The following NRG3 variants were observed in gnomAD, a reference collection of about 807,000 sequenced individuals.
NRG3 encodes the protein neuregulin 3.
NRG3 carries 31 observed loss-of-function variants against 66.9 expected under a neutral mutation model. That is an observed-to-expected ratio of 0.46 (90% confidence interval 0.35 to 0.63). NRG3 has a LOEUF of 0.63. Among genes scored for constraint, NRG3 ranks in the 20% least tolerant of loss-of-function variants. NRG3 has a pLI of 0.00. For missense variants in NRG3, 910 were observed against 878.9 expected, an observed-to-expected ratio of 1.04 and a Z score of -0.45; for synonymous variants, 393 against 359.4, an observed-to-expected ratio of 1.09 and a Z score of -1.06.
intron 1 of NRG3, among the ~76,000 whole-genome samples, chr10:82,149,907 G>A (rs923481229): frequency 6.6e-6 from 1 of 152,070 alleles, no homozygotes; most frequent in Non-Finnish European, 1.5e-5. Context: ...GACTAGAATA[G>A]AATAGAATAA....
At chr10:82,213,818 T>A (rs944083401) in intron 1 of NRG3, among the ~76,000 whole-genome samples, 40 of 152,216 alleles carry the variant, frequency 2.6e-4, no homozygotes, top group African/African-American at 9.2e-4. Flanking sequence ...AAATATGTTT[T>A]CAAAGCAAGT....
At chr10:82,193,468 A>G (rs1011001067) in intron 1 of NRG3, among the ~76,000 whole-genome samples, 5 of 151,428 alleles carry the variant, frequency 3.3e-5, no homozygotes, top group Admixed American at 1.3e-4. Flanking sequence ...TAAAAAGTCT[A>G]TTCTGACTGT....
intron 2 of NRG3, among the ~76,000 whole-genome samples, chr10:82,707,043 A>G (rs1020881288): frequency 6.8e-6 from 1 of 147,660 alleles, no homozygotes; most frequent in African/African-American, 2.5e-5. Context: ...ATATATGTAT[A>G]TATATTTGAT....
At chr10:82,697,776 G>T (rs1432144995) in intron 2 of NRG3, among the ~76,000 whole-genome samples, 1 of 152,118 alleles carries the variant, frequency 6.6e-6, no homozygotes, top group Admixed American at 6.6e-5. Flanking sequence ...TAGCTGGGTA[G>T]GGGCAGGGAA....
At chr10:82,135,172 C>T (rs890988363) in intron 1 of NRG3, among the ~76,000 whole-genome samples, 1 of 151,152 alleles carries the variant, frequency 6.6e-6, no homozygotes, top group Admixed American at 6.6e-5. Flanking sequence ...AATATCTTTC[C>T]TGGATTATAG....
chr10:82,272,134 T>C (rs723195), intron 1 of NRG3, among the ~76,000 whole-genome samples: 72,185 of 151,892 alleles, frequency 0.48, 20,764 homozygotes, highest in African/African-American at 0.81. Context: ...GAGATGACCA[T>C]GGTAGGGTTT....
intron 2 of NRG3, among the ~76,000 whole-genome samples, chr10:82,620,873 G>T (rs2048999268): frequency 6.6e-6 from 1 of 151,202 alleles, no homozygotes; most frequent in Admixed American, 6.6e-5. Context: ...TGAAATACTA[G>T]CTCTTTTCCT....
chr10:82,689,079 T>A (rs1385887674), intron 2 of NRG3, among the ~76,000 whole-genome samples: 1 of 152,176 alleles, frequency 6.6e-6, no homozygotes, highest in Non-Finnish European at 1.5e-5. Flanking sequence ...ATAAAGTGCT[T>A]TATTTTTCAA....
chr10:82,203,471 G>A (rs1416996437), intron 1 of NRG3, among the ~76,000 whole-genome samples: 1 of 152,082 alleles, frequency 6.6e-6, no homozygotes, highest in Non-Finnish European at 1.5e-5. Context: ...CACTATGGAA[G>A]GTCAGTTCAC....
chr10:82,822,678 G>A (rs1005172442), intron 3 of NRG3, among the ~76,000 whole-genome samples: 2 of 152,046 alleles, frequency 1.3e-5, no homozygotes, highest in Non-Finnish European at 2.9e-5. Context: ...GGCATGGTTT[G>A]TAGGCAGCAT....
chr10:82,435,833 G>C (rs111373305), intron 2 of NRG3, among the ~76,000 whole-genome samples: 241 of 143,372 alleles, frequency 1.7e-3, no homozygotes, highest in African/African-American at 5.9e-3. Context: ...CCAGACTGGA[G>C]TGCAGTGGCA....
chr10:82,072,255 A>G (rs755481494), intron 1 of NRG3, among the ~76,000 whole-genome samples: 17 of 152,234 alleles, frequency 1.1e-4, no homozygotes, highest in Non-Finnish European at 2.1e-4. Context: ...CATTAAAGGT[A>G]TTAAGAAGGA....
chr10:82,022,095 A>C (rs2062089112), intron 1 of NRG3, among the ~76,000 whole-genome samples: 1 of 151,986 alleles, frequency 6.6e-6, no homozygotes, highest in South Asian at 2.1e-4. Context: ...AATTTTATTG[A>C]GCACATACTA....
At chr10:82,248,328 G>T (rs954682739) in intron 1 of NRG3, among the ~76,000 whole-genome samples, 4 of 152,102 alleles carry the variant, frequency 2.6e-5, no homozygotes, top group African/African-American at 9.7e-5. Flanking sequence ...TACTCCCTCT[G>T]TTCCCAGTCC....
intron 2 of NRG3, among the ~76,000 whole-genome samples, chr10:82,721,737 T>TA (rs1184968395): frequency 2.6e-5 from 4 of 152,164 alleles, no homozygotes; most frequent in Non-Finnish European, 5.9e-5. Flanking sequence ...TTTGTTTTAA[T>TA]AAAAGGTCAA....
chr10:82,967,275 T>C, intron 6 of NRG3, among the ~76,000 whole-genome samples: 1 of 151,828 alleles, frequency 6.6e-6, no homozygotes, highest in Non-Finnish European at 1.5e-5. Flanking sequence ...ATCTAAATTT[T>C]TCTATGTAAG....
At chr10:82,865,481 A>G in intron 4 of NRG3, 44 bp downstream of exon 4, 2 of 1,587,400 alleles carry the variant, frequency 1.3e-6, no homozygotes, top group South Asian at 2.2e-5. Flanking sequence ...GGAAATGCTA[A>G]GCTTTATGAT....
At position 82,836,260 on chromosome 10, in the gene NRG3, T is replaced by TA. The variant is rs944681699; in HGVS notation, c.1028-29142dup. Among the ~76,000 whole-genome samples the TA allele has an allele frequency of 3.6e-3, 546 of 151,652 alleles. 3 individuals are homozygous for TA. The highest frequency in any genetic ancestry group is 0.012 in the African/African-American group (514 of 41,388). On this transcript the variant is annotated intron_variant, in intron 3 of 8. Coordinates refer to ENST00000372141, the MANE Select transcript of NRG3 (RefSeq NM_001010848.4). Reference sequence around the variant, plus strand: ...AAAATATTTACTATCTGGCCTTTTATAAAAAAAAATTGATGATCATTGGTT... The same window carrying TA: ...AAAATATTTACTATCTGGCCTTTTATAAAAAAAAAATTGATGATCATTGGTT...
At chr10:82,951,442 T>A in intron 4 of NRG3, 27 bp from the exon 5 acceptor site, 1 of 1,562,230 alleles carries the variant, frequency 6.4e-7, no homozygotes, top group East Asian at 2.2e-5. Flanking sequence ...CTAGCATCCA[T>A]TCTAATTTTG....
Sources: allele counts gnomAD v4.1 joint callset (sites outside exome capture counted in the v4.1 genomes callset), GRCh38; gene constraint gnomAD v4.1.1; transcripts MANE v1.5; gene names NCBI Gene and HGNC (gene_info 2026-07-23, HGNC 2026-07-21).